The following DAB1 variants were observed in gnomAD, a reference collection of about 807,000 sequenced individuals.
The protein encoded by DAB1 is disabled homolog 1.
Under a neutral mutation model 64.6 loss-of-function variants are expected in DAB1, and 15 were observed. The observed-to-expected ratio is 0.23, with a 90% CI of 0.16 to 0.36. DAB1 has a LOEUF of 0.36. Ranked by LOEUF, DAB1 falls within the 10% of genes least tolerant of loss-of-function variation. The pLI, the probability that DAB1 is intolerant of heterozygous loss-of-function variation, is 1.00. For synonymous variants in DAB1, 235 were observed against 251.9 expected, an observed-to-expected ratio of 0.93 and a Z score of 0.64; for missense variants, 596 against 706.7, an observed-to-expected ratio of 0.84 and a Z score of 1.78.
chr1:57,616,555 T>C (rs1164494577), intron 7 of DAB1, among the ~76,000 whole-genome samples: 2 of 152,154 alleles, frequency 1.3e-5, no homozygotes, highest in Non-Finnish European at 2.9e-5. Context: ...AAGAAATCTA[T>C]AATGTTCTGT....
intron 5 of DAB1, among the ~76,000 whole-genome samples, chr1:58,028,770 C>T (rs1309197195): frequency 6.6e-6 from 1 of 152,092 alleles, no homozygotes; most frequent in Non-Finnish European, 1.5e-5. Context: ...AATGTGGAAT[C>T]TGCAAATAAT....
intron 2 of DAB1, among the ~76,000 whole-genome samples, chr1:57,264,430 A>T (rs1670426459): frequency 6.6e-6 from 1 of 152,220 alleles, no homozygotes. Context: ...AGAATGGAGG[A>T]TGGGTATTCT....
At chr1:57,670,478 AT>A (rs1030733138) in intron 6 of DAB1, among the ~76,000 whole-genome samples, 25 of 152,192 alleles carry the variant, frequency 1.6e-4, no homozygotes, top group African/African-American at 5.8e-4. Flanking sequence ...CTCTTTTTAT[AT>A]GTGGGTCAAT....
chr1:57,964,766 G>A (rs971844433), intron 5 of DAB1, among the ~76,000 whole-genome samples: 1 of 152,076 alleles, frequency 6.6e-6, no homozygotes, highest in Non-Finnish European at 1.5e-5. Context: ...CTATAACATA[G>A]AGCCTGGGAC....
chr1:58,338,484 A>G (rs1420284248), intron 4 of DAB1, among the ~76,000 whole-genome samples: 1 of 152,208 alleles, frequency 6.6e-6, no homozygotes, highest in African/African-American at 2.4e-5. Context: ...TTGGTTCCCT[A>G]TTATTTAAGA....
At chr1:58,109,951 T>A (rs1453685550) in intron 5 of DAB1, among the ~76,000 whole-genome samples, 1 of 152,232 alleles carries the variant, frequency 6.6e-6, no homozygotes, top group African/African-American at 2.4e-5. Context: ...TATGAATAGA[T>A]GCTCATATGT....
chr1:57,289,025 C>T (rs1319618843), intron 2 of DAB1, among the ~76,000 whole-genome samples: 1 of 152,076 alleles, frequency 6.6e-6, no homozygotes, highest in Non-Finnish European at 1.5e-5. Flanking sequence ...AATTTGAATC[C>T]AGCTCTGCCT....
chr1:57,324,217 G>A (rs1214351509), intron 1 of DAB1, among the ~76,000 whole-genome samples: 1 of 152,156 alleles, frequency 6.6e-6, no homozygotes. Context: ...ACCGTTAAGT[G>A]AACCAATCTA....
intron 1 of DAB1, among the ~76,000 whole-genome samples, chr1:57,840,729 C>T (rs1212180964): frequency 1.3e-5 from 2 of 152,116 alleles, no homozygotes; most frequent in African/African-American, 4.8e-5. Flanking sequence ...CATGAGAACT[C>T]ACTATCATGT....
intron 4 of DAB1, among the ~76,000 whole-genome samples, chr1:57,111,652 C>T (rs970490419): frequency 6.6e-6 from 1 of 152,160 alleles, no homozygotes; most frequent in African/African-American, 2.4e-5. Context: ...CAGTCACTCC[C>T]TATCACATTA....
At chr1:57,008,012 C>T (rs1420937149) in intron 14 of DAB1, among the ~76,000 whole-genome samples, 3 of 152,222 alleles carry the variant, frequency 2.0e-5, no homozygotes, top group Admixed American at 6.5e-5. Context: ...GCAAAGCTGG[C>T]ATCTGCCCCT....
At chr1:58,356,222 C>T (rs1267359485) in intron 3 of DAB1, among the ~76,000 whole-genome samples, 1 of 152,024 alleles carries the variant, frequency 6.6e-6, no homozygotes, top group Non-Finnish European at 1.5e-5. Context: ...CAACCCTGGG[C>T]AGCCAGAGAA....
intron 1 of DAB1, among the ~76,000 whole-genome samples, chr1:57,309,193 A>G (rs1028159234): frequency 6.6e-6 from 1 of 152,216 alleles, no homozygotes; most frequent in African/African-American, 2.4e-5. Context: ...CAGATGAAGA[A>G]TGATCTTAGA....
At chr1:58,540,348 A>G (rs1014024810) in intron 1 of DAB1, among the ~76,000 whole-genome samples, 1 of 152,118 alleles carries the variant, frequency 6.6e-6, no homozygotes, top group East Asian at 1.9e-4. Context: ...GGTGCAATTT[A>G]TAATTAAAAA....
Position 57,254,771 on chromosome 1 carries a change from A to T in DAB1, c.67+36193T>A, listed in dbSNP as rs144647213. ...GAAAACAAAATGCATGCTTAATATA[A>T]AAAAAAGGTATAGAGATATACATAT... On this transcript the variant is annotated intron_variant, in intron 2 of 14. Coordinates refer to ENST00000371236, the MANE Select transcript of DAB1 (RefSeq NM_001365792.1). 2.1e-3 allele frequency among the ~76,000 whole-genome samples: 312 copies of T among 151,916 alleles called. 2 individuals carry two copies. The highest frequency in any genetic ancestry group is 7.0e-3 in the African/African-American group (289 of 41,332).
At chr1:58,442,060 C>T (rs979575383) in intron 3 of DAB1, among the ~76,000 whole-genome samples, 2 of 152,170 alleles carry the variant, frequency 1.3e-5, no homozygotes, top group Non-Finnish European at 2.9e-5. Context: ...AGGAAGTAAG[C>T]GGTTTGTAAA....
At chr1:58,171,521 C>G (rs1012580381) in intron 4 of DAB1, among the ~76,000 whole-genome samples, 7 of 152,224 alleles carry the variant, frequency 4.6e-5, no homozygotes, top group Non-Finnish European at 8.8e-5. Context: ...CCCCTATACC[C>G]TGCTCTCTCA....
At chr1:57,511,745 T>TG (rs1355151483) in intron 7 of DAB1, among the ~76,000 whole-genome samples, 3 of 152,128 alleles carry the variant, frequency 2.0e-5, no homozygotes, top group Non-Finnish European at 4.4e-5. Flanking sequence ...AATGAACAAA[T>TG]GACACATTTC....
intron 7 of DAB1, among the ~76,000 whole-genome samples, chr1:57,624,280 T>C (rs976130717): frequency 1.6e-4 from 25 of 152,362 alleles, no homozygotes; most frequent in African/African-American, 6.0e-4. Context: ...CACTTTGGTT[T>C]GCAGGCTTTT....
Sources: gnomAD v4.1 joint callset for allele counts (sites outside exome capture counted in the v4.1 genomes callset) on GRCh38, gnomAD v4.1.1 for gene constraint, MANE v1.5 for transcripts, NCBI Gene and HGNC (gene_info 2026-07-23, HGNC 2026-07-21) for gene names.